Variants in METTL9 observed in about 807,000 individuals in gnomAD.
METTL9 encodes methyltransferase 9, His-X-His N1(pi)-histidine, also known as protein-L-histidine N-pros-methyltransferase.
METTL9 carries 10 observed loss-of-function variants against 36.0 expected under a neutral mutation model. The observed-to-expected ratio is 0.28, with a 90% CI of 0.17 to 0.47. The LOEUF (loss-of-function observed/expected upper bound fraction) is 0.47. METTL9 is among the 20% of genes least tolerant of loss of function. The pLI, the probability that METTL9 is intolerant of heterozygous loss-of-function variation, is 0.99. For synonymous variants in METTL9, 175 were observed against 149.7 expected, an observed-to-expected ratio of 1.17 and a Z score of -1.23; for missense variants, 246 against 383.5, an observed-to-expected ratio of 0.64 and a Z score of 3.00.
In METTL9 at chr16:21,650,424, C is replaced by T. The variant is rs374806364; in HGVS notation, c.752-4803C>T. 6.7e-5 allele frequency among the ~76,000 whole-genome samples: 10 copies of T among 148,406 alleles called. No individual in the cohort carries two copies. The South Asian group carries it at 1.1e-3, about 16-fold the overall frequency. On this transcript the variant is annotated intron_variant, in intron 4 of 4. Transcript: ENST00000358154. ...TTGGGAGGCTGAAGCAGGAGAATCG[C>T]TTGAACGTAGGAGGTGGAGGTTGCA... is the stretch of plus-strand genomic sequence containing the variant.
chr16:21,647,145 G>C (rs754450106), intron 4 of METTL9: 1 of 1,614,142 alleles, frequency 6.2e-7, no homozygotes, highest in South Asian at 1.1e-5. Flanking sequence ...CTTACCACCA[G>C]TGTGGTCCCT....
intron 2 of METTL9, among the ~76,000 whole-genome samples, chr16:21,614,481 C>A (rs1218254029): frequency 6.6e-6 from 1 of 152,156 alleles, no homozygotes; most frequent in African/African-American, 2.4e-5. Context: ...AGTTAATAAA[C>A]CCCTTTTGGC....
upstream of METTL9, chr16:21,599,366 C>G (rs962888172): frequency 1.9e-6 from 2 of 1,032,166 alleles, no homozygotes; most frequent in South Asian, 3.8e-5. This position sits in a 1 kb window ranked among gnomAD's most constrained non-coding sequence, Gnocchi z 4.4. Context: ...GAGGCCAAGG[C>G]AGGGCCGGGA....
chr16:21,645,424 T>C (rs1194658628), intron 4 of METTL9, among the ~76,000 whole-genome samples: 3 of 151,946 alleles, frequency 2.0e-5, no homozygotes, highest in Non-Finnish European at 2.9e-5. Flanking sequence ...GCCACGGCAC[T>C]CCAGCCCGGG....
chr16:21,608,008 G>A (rs1026265051), intron 1 of METTL9, among the ~76,000 whole-genome samples: 2 of 152,132 alleles, frequency 1.3e-5, no homozygotes, highest in Non-Finnish European at 2.9e-5. Flanking sequence ...AATTAGCCAG[G>A]CGGGGTGGTA....
rs1024138653 is a variant in METTL9, at chr16:21,631,984, C to A, written c.751+6869C>A. ...TCTGTCTCTTTGACTTTGTCTCTTT[C>A]TTTCTTTCTCTCTGACTCCCTCTGT... On this transcript the variant is annotated intron_variant, in intron 4 of 4. Coordinates refer to ENST00000358154, the MANE Select transcript of METTL9 (RefSeq NM_016025.5). Among the ~76,000 whole-genome samples the A allele has an allele frequency of 4.6e-5, 7 of 152,136 alleles. No individual in the cohort carries two copies. The East Asian group carries it at 9.6e-4, about 21-fold the overall frequency.
intron 2 of METTL9, 138 bp downstream of exon 2, chr16:21,612,973 G>A (rs1965463194): frequency 1.4e-6 from 1 of 711,104 alleles, no homozygotes; most frequent in African/African-American, 1.9e-5. Context: ...CTTGGCAGTT[G>A]GTCCAGCGTT....
chr16:21,635,327 T>C (rs1352542981), intron 4 of METTL9, among the ~76,000 whole-genome samples: 4 of 151,998 alleles, frequency 2.6e-5, no homozygotes, highest in Non-Finnish European at 5.9e-5. Context: ...TGTGGTCCTT[T>C]GGAGATTTCT....
At chr16:21,645,113 A>C (rs1966389958) in intron 4 of METTL9, among the ~76,000 whole-genome samples, 1 of 152,248 alleles carries the variant, frequency 6.6e-6, no homozygotes, top group East Asian at 1.9e-4. Flanking sequence ...AAATACAATT[A>C]GATTTGTACT....
At chr16:21,637,715 G>A (rs796828106) in intron 4 of METTL9, among the ~76,000 whole-genome samples, 50 of 152,356 alleles carry the variant, frequency 3.3e-4, no homozygotes, top group South Asian at 4.1e-4. Flanking sequence ...CGTGCGCTGC[G>A]CGCAGCCCGG....
chr16:21,599,454 GC>G (rs1357892866), upstream of METTL9: 1 of 1,149,952 alleles, frequency 8.7e-7, no homozygotes, highest in Non-Finnish European at 1.1e-6. The surrounding 1 kb of genome is among the most constrained non-coding windows in gnomAD (Gnocchi z 4.4). Flanking sequence ...CGGAGGGAGG[GC>G]GCCGGGGGAG....
At chr16:21,653,494 C>T (rs945977919) in intron 4 of METTL9, 1 of 152,348 alleles carries the variant, frequency 6.6e-6, no homozygotes, top group Admixed American at 6.5e-5. Flanking sequence ...GAAACAGACT[C>T]AGGCTGACTT....
intron 4 of METTL9, among the ~76,000 whole-genome samples, chr16:21,631,540 AAG>A (rs781020024): frequency 2.0e-5 from 3 of 152,160 alleles, no homozygotes; most frequent in Non-Finnish European, 2.9e-5. Flanking sequence ...CTGTTTCTAC[AAG>A]AGTTTCCTTA....
chr16:21,615,638 A>G (rs958303305), intron 2 of METTL9, among the ~76,000 whole-genome samples: 1 of 152,148 alleles, frequency 6.6e-6, no homozygotes, highest in African/African-American at 2.4e-5. Flanking sequence ...TCACATCCCA[A>G]GGAGATGGCT....
intron 4 of METTL9, chr16:21,647,620 C>T (rs999804426): frequency 8.1e-7 from 1 of 1,235,516 alleles, no homozygotes; most frequent in South Asian, 1.6e-5. Context: ...ATAAATAAGA[C>T]TAAAAATAAA....
rs759337843 is a variant in METTL9 at position 21,652,615 on chromosome 16, G to A, written c.752-2612G>A. On this transcript the variant is annotated intron_variant, in intron 4 of 4. Transcript: ENST00000358154. ...AGTCCCCATTTCTGTGTATGCCGGGGCGGGTTGGGGTGTGTATTTGAAAGG... is the reference window on the plus strand; with the variant it reads ...AGTCCCCATTTCTGTGTATGCCGGGACGGGTTGGGGTGTGTATTTGAAAGG... 2.5e-6 allele frequency: 4 copies of A among 1,599,866 alleles called. No homozygotes were observed. In the Admixed American group the frequency reaches 5.2e-5, roughly 21 times the overall value.
chr16:21,657,113 A>G lies in METTL9; in HGVS notation c.*1681A>G, dbSNP rs1019901534. 5.9e-5 allele frequency: 9 copies of G among 152,082 alleles called. No homozygotes were observed. The highest frequency in any genetic ancestry group is 2.2e-4 in the African/African-American group (9 of 41,410). The allele number at this position is 152,082 out of a possible 1,614,324, so 9.4% of individuals were successfully genotyped here. On this transcript the variant is annotated 3_prime_UTR_variant, in exon 5 of 5. Transcript: ENST00000358154. ...GATGTTCAAGGAGGCAGGTTGCCCC[A>G]AAGTGTTTTCTAACTTTCAAGTAGA...
chr16:21,643,745 T>C, intron 4 of METTL9: 1 of 592,926 alleles, frequency 1.7e-6, no homozygotes. Context: ...TTTGAGATGC[T>C]TTTACTCCAT....
chr16:21,649,244 C>T (rs1481068637), intron 4 of METTL9, among the ~76,000 whole-genome samples: 2 of 152,184 alleles, frequency 1.3e-5, no homozygotes, highest in South Asian at 2.1e-4. Context: ...CCGCTTGCCT[C>T]GGCCTTCCAA....
Sources: gnomAD v4.1 joint callset for allele counts (sites outside exome capture counted in the v4.1 genomes callset) on GRCh38, gnomAD v4.1.1 for gene constraint, Gnocchi (gnomAD v3.1) non-coding constraint, MANE v1.5 for transcripts, NCBI Gene and HGNC (gene_info 2026-07-23, HGNC 2026-07-21) for gene names.